Variants in AKT3 observed in about 807,000 individuals in gnomAD.
AKT3 encodes RAC-gamma serine/threonine-protein kinase.
A neutral mutation model predicts 65.3 loss-of-function variants in AKT3; 15 were observed. The ratio of observed to expected loss-of-function variants is 0.23; its 90% confidence interval spans 0.15 to 0.35. The LOEUF (loss-of-function observed/expected upper bound fraction) is 0.35, where lower values mean the gene tolerates loss of function less well. Among genes scored for constraint, AKT3 ranks in the 10% least tolerant of loss-of-function variants. AKT3 has a pLI of 1.00. For synonymous variants in AKT3, 206 were observed against 183.8 expected (o/e 1.12, Z -0.98); for missense variants, 243 against 576.5 (o/e 0.42, Z 5.92).
At chr1:243,570,032 G>A (rs1674446519) in intron 9 of AKT3, among the ~76,000 whole-genome samples, 1 of 152,194 alleles carries the variant, frequency 6.6e-6, no homozygotes, top group African/African-American at 2.4e-5. Flanking sequence ...ATTACATGAT[G>A]TGTATTGACA....
intron 2 of AKT3, among the ~76,000 whole-genome samples, chr1:243,832,828 A>T (rs1372305715): frequency 6.6e-6 from 1 of 152,220 alleles, no homozygotes; most frequent in Admixed American, 6.5e-5. Flanking sequence ...GTATTAGTGT[A>T]TCTAAACATA....
At chr1:243,780,432 G>A (rs1458218306) in intron 2 of AKT3, among the ~76,000 whole-genome samples, 3 of 151,864 alleles carry the variant, frequency 2.0e-5, no homozygotes, top group Non-Finnish European at 1.5e-5. Context: ...CTATAATTAT[G>A]TAGGATACCA....
chr1:243,583,730 C>T (rs899269385), intron 8 of AKT3, among the ~76,000 whole-genome samples: 1 of 151,706 alleles, frequency 6.6e-6, no homozygotes, highest in African/African-American at 2.4e-5. Context: ...TCTGGGTAAA[C>T]AACAAAATCA....
intron 2 of AKT3, among the ~76,000 whole-genome samples, chr1:243,822,343 C>T (rs543072159): frequency 1.3e-5 from 2 of 151,860 alleles, no homozygotes; most frequent in Non-Finnish European, 2.9e-5. Flanking sequence ...CTCAAGTTGA[C>T]AACCTAACAT....
intron 3 of AKT3, among the ~76,000 whole-genome samples, chr1:243,681,283 C>T (rs891498135): frequency 6.6e-6 from 1 of 152,182 alleles, no homozygotes; most frequent in East Asian, 1.9e-4. Flanking sequence ...GCAGAAGGTA[C>T]TCAACAAGTG....
At chr1:243,600,535 G>T (rs562505283) in intron 8 of AKT3, among the ~76,000 whole-genome samples, 1 of 152,122 alleles carries the variant, frequency 6.6e-6, no homozygotes, top group Admixed American at 6.5e-5. Flanking sequence ...TTTGACAAGG[G>T]TACCAAATCA....
At chr1:243,561,657 T>G (rs1673791577) in intron 10 of AKT3, among the ~76,000 whole-genome samples, 1 of 152,122 alleles carries the variant, frequency 6.6e-6, no homozygotes, top group Non-Finnish European at 1.5e-5. Flanking sequence ...ATAGTTACCC[T>G]CACACATCAA....
chr1:243,497,005 CATG>C (rs1287844630), downstream of AKT3, among the ~76,000 whole-genome samples: 3 of 152,188 alleles, frequency 2.0e-5, no homozygotes, highest in Non-Finnish European at 4.4e-5. Context: ...CAGCAAGGGC[CATG>C]ATGACAAATG....
chr1:243,683,145 C>G (rs1245794898), intron 3 of AKT3, among the ~76,000 whole-genome samples: 2 of 152,144 alleles, frequency 1.3e-5, no homozygotes, highest in Non-Finnish European at 2.9e-5. Context: ...GTGGCCTAAG[C>G]AAGTCATATA....
chr1:243,699,714 T>C (rs762898576), intron 2 of AKT3, among the ~76,000 whole-genome samples: 2 of 151,844 alleles, frequency 1.3e-5, no homozygotes, highest in Non-Finnish European at 1.5e-5. Flanking sequence ...TATTACCTTA[T>C]GGTAAAAAAG....
At chr1:243,597,837 G>C (rs1407883857) in intron 8 of AKT3, among the ~76,000 whole-genome samples, 1 of 152,186 alleles carries the variant, frequency 6.6e-6, no homozygotes, top group Non-Finnish European at 1.5e-5. Flanking sequence ...TGCTCATGTA[G>C]TATACTAAGC....
intron 2 of AKT3, among the ~76,000 whole-genome samples, chr1:243,792,085 T>A (rs1691665434): frequency 6.6e-6 from 1 of 152,148 alleles, no homozygotes; most frequent in Non-Finnish European, 1.5e-5. Context: ...TCTGACTTCT[T>A]AGTTCTGCCA....
chr1:243,583,195 T>TACATACAC (rs1675527792), intron 8 of AKT3, among the ~76,000 whole-genome samples: 11 of 88,288 alleles, frequency 1.2e-4, no homozygotes, highest in Admixed American at 1.2e-3. Flanking sequence ...TATATATATA[T>TACATACAC]ACACACACAC....
intron 2 of AKT3, among the ~76,000 whole-genome samples, chr1:243,699,896 C>T (rs2148039327): frequency 6.6e-6 from 1 of 152,062 alleles, no homozygotes; most frequent in East Asian, 1.9e-4. Context: ...GCCACAGAAG[C>T]AAAGATTGGA....
intron 2 of AKT3, among the ~76,000 whole-genome samples, chr1:243,718,319 CATA>C (rs1245520004): frequency 6.6e-6 from 1 of 152,130 alleles, no homozygotes; most frequent in African/African-American, 2.4e-5. Context: ...TCGTTACTTA[CATA>C]GGAGATGAAA....
intron 2 of AKT3, chr1:243,793,420 C>T (rs1289784011): frequency 1.3e-5 from 2 of 152,130 alleles, no homozygotes; most frequent in Non-Finnish European, 2.9e-5. Context: ...CTGACCCACA[C>T]ATGCTGCAGG....
At chr1:243,825,473 T>C (rs1694111495) in intron 2 of AKT3, among the ~76,000 whole-genome samples, 1 of 152,070 alleles carries the variant, frequency 6.6e-6, no homozygotes, top group Non-Finnish European at 1.5e-5. Flanking sequence ...GACAGAGGAA[T>C]AAGAAAATAA....
chr1:243,795,475 G>GTT (rs369512939), intron 2 of AKT3, among the ~76,000 whole-genome samples: 2,492 of 87,952 alleles, frequency 0.028, 185 homozygotes, highest in Non-Finnish European at 0.036. Context: ...TTTTTTTTTT[G>GTT]GTTTTTTTTT....
At chr1:243,627,306 C>CA (rs1679244020) in intron 6 of AKT3, among the ~76,000 whole-genome samples, 1 of 145,020 alleles carries the variant, frequency 6.9e-6, no homozygotes, top group Non-Finnish European at 1.5e-5. Context: ...CTAGCCTGGA[C>CA]AACATAGTGA....
Sources: gnomAD v4.1 joint callset for allele counts (sites outside exome capture counted in the v4.1 genomes callset) on GRCh38, gnomAD v4.1.1 for gene constraint, MANE v1.5 for transcripts, NCBI Gene and HGNC (gene_info 2026-07-23, HGNC 2026-07-21) for gene names.